Variants in SAMSN1 observed in about 807,000 individuals in gnomAD.
SAMSN1 encodes SAM domain-containing protein SAMSN-1.
A neutral mutation model predicts 42.0 loss-of-function variants in SAMSN1; 31 were observed. The ratio of observed to expected loss-of-function variants is 0.74; its 90% CI spans 0.55 to 1.00. The LOEUF (loss-of-function observed/expected upper bound fraction) is 1.00. Among genes scored for constraint, SAMSN1 ranks in the 50% least tolerant of loss-of-function variants. The pLI, the probability that SAMSN1 is intolerant of heterozygous loss-of-function variation, is 0.00. For missense variants in SAMSN1, 464 were observed against 439.4 expected, an observed-to-expected ratio of 1.06 and a Z score of -0.50; for synonymous variants, 178 against 151.9, an observed-to-expected ratio of 1.17 and a Z score of -1.26.
chr21:14,495,338 G>A (rs111953251), intron 7 of SAMSN1, among the ~76,000 whole-genome samples: 9 of 152,246 alleles, frequency 5.9e-5, no homozygotes, highest in Admixed American at 1.3e-4. Context: ...ATCAGAACTC[G>A]ACATCTTATT....
At chr21:14,521,080 G>A (rs1408247103) in intron 2 of SAMSN1, 70 bp downstream of exon 2, 14 of 962,576 alleles carry the variant, frequency 1.5e-5, no homozygotes, top group Non-Finnish European at 2.1e-5. Flanking sequence ...CTTTGCAAAA[G>A]TGACATTGTC....
In SAMSN1 at chr21:14,493,824, C is replaced by A. The variant is rs373085369; in HGVS notation, c.919+4618G>T. 1.7e-4 allele frequency among the ~76,000 whole-genome samples: 26 copies of A among 152,262 alleles called. No homozygotes were observed. The Middle Eastern group carries it at 0.017, about 100-fold the overall frequency. ...GTTGAGGGAACCGATGACCTAATTC[C>A]TCTCAGTTTAAATGCAACACAGGAG... On this transcript the variant is annotated intron_variant, in intron 7 of 7. Transcript: ENST00000400566.
intron 1 of SAMSN1, among the ~76,000 whole-genome samples, chr21:14,530,378 G>T (rs190217319): frequency 6.6e-6 from 1 of 150,994 alleles, no homozygotes; most frequent in Non-Finnish European, 1.5e-5. Context: ...GATTGCTAAA[G>T]TTATGATAAG....
intron 6 of SAMSN1, among the ~76,000 whole-genome samples, chr21:14,597,595 T>G (rs984446559): frequency 2.0e-5 from 3 of 152,170 alleles, no homozygotes; most frequent in East Asian, 3.8e-4. Context: ...CAAAAGTGAT[T>G]GTTTTAAAAA....
At chr21:14,658,640 G>T in intron 1 of SAMSN1, 1 of 662,770 alleles carries the variant, frequency 1.5e-6, no homozygotes, top group Non-Finnish European at 2.8e-6. Flanking sequence ...GAGATGCTAA[G>T]TGTATGAATA....
Position 14,512,527 on chromosome 21 carries a change from G to A in SAMSN1, c.326C>T (p.Pro109Leu). ...CTTCTCTGTGTGGGTCCCAATCACA[G>A]GGTCACTGTTTCTATATGGGTGGGC... The part of the protein sequence containing the change: ...ENAHPYRNSD[P>L]VIGTHTEKVS... Residue 109 changes from proline (P) to leucine (L), a missense_variant, in exon 4 of 8, where the codon CCT becomes CTT. Coordinates refer to ENST00000400566, the MANE Select transcript of SAMSN1 (RefSeq NM_022136.5). 1 of 1,613,894 alleles carries A rather than the reference G, an allele frequency of 6.2e-7. No homozygotes were observed. Among genetic ancestry groups the A allele is most frequent in the Non-Finnish European group, 8.5e-7 (1 of 1,179,862 alleles).
chr21:14,577,058 T>C (rs1481137003), intron 2 of SAMSN1, among the ~76,000 whole-genome samples: 20 of 128,070 alleles, frequency 1.6e-4, no homozygotes, highest in Middle Eastern at 7.4e-3. Flanking sequence ...CTTTTTTTTT[T>C]TTTTTTTTTT....
chr21:14,619,212 G>A (rs1321564044), intron 2 of SAMSN1, among the ~76,000 whole-genome samples: 1 of 152,208 alleles, frequency 6.6e-6, no homozygotes, highest in East Asian at 1.9e-4. Flanking sequence ...ACTAATATGT[G>A]CCTGTTTCTT....
chr21:14,646,145 T>A (rs2123387265), intron 1 of SAMSN1, among the ~76,000 whole-genome samples: 1 of 152,120 alleles, frequency 6.6e-6, no homozygotes, highest in African/African-American at 2.4e-5. Context: ...GAGAAAGATA[T>A]CAGTAGCCAA....
intron 5 of SAMSN1, among the ~76,000 whole-genome samples, chr21:14,502,787 C>A (rs17240640): frequency 0.023 from 3,439 of 152,218 alleles, 78 homozygotes; most frequent in South Asian, 0.12. Flanking sequence ...GGGAACAGTG[C>A]ATTTTTAATT....
At chr21:14,582,404 T>C in exon 2 of SAMSN1, 1 of 1,550,024 alleles carries the variant, frequency 6.5e-7, no homozygotes. Context: ...CATTTCTTCC[T>C]TCCTCCTCGT....
At chr21:14,633,361 A>C (rs576803991) in intron 2 of SAMSN1, among the ~76,000 whole-genome samples, 154 of 152,296 alleles carry the variant, frequency 1.0e-3, no homozygotes, top group African/African-American at 3.2e-3. Flanking sequence ...ACAACGCTCC[A>C]CTCCAGAAAA....
intron 1 of SAMSN1, among the ~76,000 whole-genome samples, chr21:14,545,176 T>C (rs1296024042): frequency 2.0e-5 from 3 of 152,146 alleles, no homozygotes; most frequent in Non-Finnish European, 2.9e-5. Context: ...TAAGAAATCA[T>C]TTATTTTTGT....
chr21:14,557,145 C>T (rs1229061166), intron 2 of SAMSN1, among the ~76,000 whole-genome samples: 1 of 152,134 alleles, frequency 6.6e-6, no homozygotes, highest in Admixed American at 6.5e-5. Context: ...CCTCGTTCTA[C>T]CCATCCACGG....
At chr21:14,559,745 A>G (rs1028168700) in intron 2 of SAMSN1, among the ~76,000 whole-genome samples, 2 of 151,598 alleles carry the variant, frequency 1.3e-5, no homozygotes, top group African/African-American at 2.4e-5. Context: ...GCCTCAATTT[A>G]TCCTCCCATT....
At chr21:14,586,054 G>A (rs374126094), upstream of SAMSN1, among the ~76,000 whole-genome samples, 4 of 151,860 alleles carry the variant, frequency 2.6e-5, no homozygotes, top group Admixed American at 2.0e-4. Context: ...CATGAGGTCA[G>A]GAGATGGAGA....
intron 3 of SAMSN1, among the ~76,000 whole-genome samples, chr21:14,615,582 G>A (rs898750335): frequency 2.6e-5 from 4 of 152,178 alleles, no homozygotes; most frequent in Non-Finnish European, 5.9e-5. Flanking sequence ...TGTGCTGAAT[G>A]TAAAGCCAGG....
chr21:14,534,513 A>G (rs1448358615), intron 1 of SAMSN1, among the ~76,000 whole-genome samples: 6 of 128,068 alleles, frequency 4.7e-5, no homozygotes, highest in Non-Finnish European at 9.4e-5. Flanking sequence ...AAGGAGGGAG[A>G]GACTTTTTTT....
At chr21:14,550,452 T>C (rs1488877942), upstream of SAMSN1, among the ~76,000 whole-genome samples, 1 of 152,066 alleles carries the variant, frequency 6.6e-6, no homozygotes, top group Non-Finnish European at 1.5e-5. Flanking sequence ...AAATTCTGAT[T>C]CTATTAACAG....
Sources: gnomAD v4.1 joint callset for allele counts (sites outside exome capture counted in the v4.1 genomes callset) on GRCh38, gnomAD v4.1.1 for gene constraint, MANE v1.5 for transcripts, NCBI Gene and HGNC (gene_info 2026-07-23, HGNC 2026-07-21) for gene names.